ANXA2: variants seen among roughly 807,000 people sequenced by gnomAD.
The protein encoded by ANXA2 is annexin II.
A neutral mutation model predicts 47.3 loss-of-function variants in ANXA2; 28 were observed. The observed-to-expected ratio is 0.59, with a 90% confidence interval of 0.44 to 0.81. The LOEUF (loss-of-function observed/expected upper bound fraction) is 0.81. Ranked by LOEUF, ANXA2 falls within the 40% of genes least tolerant of loss-of-function variation. The pLI, the probability that ANXA2 is intolerant of heterozygous loss-of-function variation, is 0.00. For missense variants in ANXA2, 384 were observed against 414.3 expected (o/e 0.93, Z 0.64); for synonymous variants, 172 against 155.5 (o/e 1.11, Z -0.79).
chr15:60,367,209 A>T (rs1319735769), intron 3 of ANXA2, among the ~76,000 whole-genome samples: 1 of 49,568 alleles, frequency 2.0e-5, no homozygotes, highest in East Asian at 6.4e-4. Context: ...CCCGTCCGGG[A>T]GGGAGGTGGG....
chr15:60,376,729 C>G (rs1490012455), intron 3 of ANXA2, among the ~76,000 whole-genome samples: 1 of 152,166 alleles, frequency 6.6e-6, no homozygotes, highest in African/African-American at 2.4e-5. Flanking sequence ...TGCAGCCATG[C>G]CCTGGCCATG....
intron 1 of ANXA2, among the ~76,000 whole-genome samples, chr15:60,389,135 C>T (rs1039023099): frequency 1.3e-5 from 2 of 152,128 alleles, no homozygotes; most frequent in Non-Finnish European, 2.9e-5. Context: ...CAGAACTGGA[C>T]CAGGTCTGCA....
At chr15:60,393,170 A>C (rs2063036840) in intron 1 of ANXA2, 7 of 1,239,972 alleles carry the variant, frequency 5.6e-6, no homozygotes, top group Admixed American at 5.4e-5. Flanking sequence ...GGAGGGACAC[A>C]CAGCACTTGC....
At chr15:60,369,462 T>C (rs1284004398) in intron 3 of ANXA2, among the ~76,000 whole-genome samples, 1 of 152,236 alleles carries the variant, frequency 6.6e-6, no homozygotes, top group Non-Finnish European at 1.5e-5. Flanking sequence ...ACCTCAATTC[T>C]AATACTTCCA....
At position 60,352,542 on chromosome 15, in the gene ANXA2, GC is replaced by G. The variant is rs1424467759; in HGVS notation, c.589-67del. On this transcript the variant is annotated intron_variant, in intron 8 of 12. Coordinates refer to ENST00000451270, the MANE Select transcript of ANXA2 (RefSeq NM_004039.3). The surrounding 1 kb of genome is among the most constrained non-coding windows in gnomAD (Gnocchi z 4.2). Reference sequence around the variant, plus strand: ...AATGTAACGTCAAAAAAAATGTCATGCAAAAAAAACAAAAAAAGCTACACAT... The same window carrying G: ...AATGTAACGTCAAAAAAAATGTCATGAAAAAAAACAAAAAAAGCTACACAT... 7 of 1,231,414 alleles carry G rather than the reference GC, an allele frequency of 5.7e-6. No individual in the cohort carries two copies. Among genetic ancestry groups the G allele is most frequent in the Non-Finnish European group, 8.2e-6 (7 of 858,784 alleles). The allele number at this position is 1,231,414 out of a possible 1,614,324, so 76.3% of individuals were successfully genotyped here.
intron 1 of ANXA2, among the ~76,000 whole-genome samples, chr15:60,388,511 G>A (rs2050370855): frequency 6.6e-6 from 1 of 151,316 alleles, no homozygotes. Flanking sequence ...TTTATATATT[G>A]ATCATATATT....
Position 60,388,080 on chromosome 15 carries a change from C to T in ANXA2, c.-11-1994G>A, listed in dbSNP as rs186151383. On this transcript the variant is annotated intron_variant, in intron 1 of 12. Transcript: ENST00000451270. ...GCGGGCGCCTGTAATCCCAACTACT[C>T]GGGAGGCTGAGACAGGAGAATAGCT... 2.2e-3 allele frequency among the ~76,000 whole-genome samples: 336 copies of T among 151,750 alleles called. 1 individual carries two copies. Among genetic ancestry groups the T allele is most frequent in the African/African-American group, 7.0e-3 (290 of 41,314 alleles).
intron 10 of ANXA2, 42 bp from the exon 11 acceptor site, chr15:60,351,293 G>C (rs746024402): frequency 1.9e-6 from 3 of 1,597,968 alleles, no homozygotes. Context: ...AGCTGCTCTG[G>C]TCTCTCCTCT....
chr15:60,390,530 T>C, intron 1 of ANXA2: 1 of 473,080 alleles, frequency 2.1e-6, no homozygotes. Flanking sequence ...GGCAATTTTC[T>C]GGAAAACGGG....
At chr15:60,388,864 C>T (rs2062969216) in intron 1 of ANXA2, among the ~76,000 whole-genome samples, 1 of 150,666 alleles carries the variant, frequency 6.6e-6, no homozygotes, top group Non-Finnish European at 1.5e-5. Context: ...GCCTCAGCCT[C>T]CCAAGTAGCT....
At chr15:60,383,797 G>T (rs926793452) in intron 2 of ANXA2, 2 of 145,028 alleles carry the variant, frequency 1.4e-5, no homozygotes, top group Non-Finnish European at 3.0e-5. Flanking sequence ...AAAAGGCCAA[G>T]ATCCGTGAGT....
intron 5 of ANXA2, among the ~76,000 whole-genome samples, chr15:60,358,674 A>G (rs961692308): frequency 2.6e-5 from 4 of 152,218 alleles, no homozygotes; most frequent in Non-Finnish European, 5.9e-5. Context: ...GCAAAGCCAA[A>G]AATTCTCCCC....
At chr15:60,386,710 G>C (rs1424047643) in intron 1 of ANXA2, 2 of 152,240 alleles carry the variant, frequency 1.3e-5, no homozygotes, top group African/African-American at 2.4e-5. Context: ...TGAAATGGTT[G>C]AAATGAAGTC....
chr15:60,375,221 C>A lies in ANXA2; in HGVS notation c.148+7121G>T, dbSNP rs187971867. Among the ~76,000 whole-genome samples, 445 of 152,208 alleles carry A rather than the reference C, an allele frequency of 2.9e-3. 1 individual carries two copies. The highest frequency in any genetic ancestry group is 6.8e-3 in the Middle Eastern group (2 of 294). On this transcript the variant is annotated intron_variant, in intron 3 of 12. Coordinates refer to ENST00000451270, the MANE Select transcript of ANXA2 (RefSeq NM_004039.3). ...TCGTGCAGTTATGCTTCTATACTTG[C>A]GCTTCTGAGAAAGGGGGGAGAAAAA...
rs144173334 is a variant in ANXA2 at position 60,358,023 on chromosome 15, A to G, written c.358-787T>C. On this transcript the variant is annotated intron_variant, in intron 5 of 12. Transcript: ENST00000451270. ...TTTTATGTTGTCACTTGCAGCCAGCATTGTTAGAGTAAGTCTTTTTACCAG... is the reference window on the plus strand; with the variant it reads ...TTTTATGTTGTCACTTGCAGCCAGCGTTGTTAGAGTAAGTCTTTTTACCAG... Among the ~76,000 whole-genome samples, 313 of 152,354 alleles carry G rather than the reference A, an allele frequency of 2.1e-3. 1 individual carries two copies. Among genetic ancestry groups the G allele is most frequent in the African/African-American group, 7.0e-3 (292 of 41,580 alleles).
intron 3 of ANXA2, among the ~76,000 whole-genome samples, chr15:60,372,366 C>G (rs2062721805): frequency 6.6e-6 from 1 of 152,192 alleles, no homozygotes; most frequent in Non-Finnish European, 1.5e-5. Flanking sequence ...GGCTGAGATT[C>G]AAACCGGGAC....
rs979284048 is a variant in ANXA2, at chr15:60,351,189, T to G, written c.837+4A>C. On this transcript the variant is annotated splice_donor_region_variant and intron_variant, in intron 11 of 12. Transcript: ENST00000451270. ...ACACAGCTCTCTCAGCCAGCTGCCC[T>G]TACCTTCATGGAGTCATACAGCCGA... 1.2e-6 allele frequency: 2 copies of G among 1,613,962 alleles called. No individual in the cohort carries two copies. The highest frequency in any genetic ancestry group is 1.7e-6 in the Non-Finnish European group (2 of 1,179,942).
At chr15:60,382,728 C>T (rs1447262406) in intron 2 of ANXA2, 1 of 237,442 alleles carries the variant, frequency 4.2e-6, no homozygotes, top group East Asian at 9.6e-5. Flanking sequence ...AAGCTGGAGA[C>T]CTGAAGCCAG....
intron 1 of ANXA2, chr15:60,394,426 T>C (rs2063053866): frequency 6.6e-6 from 1 of 151,984 alleles, no homozygotes; most frequent in African/African-American, 2.4e-5. Context: ...GGGCCAGGCA[T>C]AGTGGCTCAC....
Sources: allele counts gnomAD v4.1 joint callset (sites outside exome capture counted in the v4.1 genomes callset), GRCh38; gene constraint gnomAD v4.1.1; non-coding constraint Gnocchi (gnomAD v3.1); transcripts MANE v1.5; gene names NCBI Gene and HGNC (gene_info 2026-07-23, HGNC 2026-07-21).